The following FAM107B variants were observed in gnomAD, a reference collection of about 807,000 sequenced individuals.
The protein encoded by FAM107B is family with sequence similarity 107 member B.
FAM107B carries 21 observed loss-of-function variants against 31.5 expected under a neutral mutation model. The observed-to-expected ratio is 0.67, with a 90% CI of 0.47 to 0.96. The LOEUF is 0.96. Among genes scored for constraint, FAM107B ranks in the 40% least tolerant of loss-of-function variants. The pLI, the probability that FAM107B is intolerant of heterozygous loss-of-function variation, is 0.00. For missense variants in FAM107B, 452 were observed against 377.1 expected (o/e 1.20, Z -1.64); for synonymous variants, 157 against 141.5 (o/e 1.11, Z -0.78).
chr10:14,542,978 G>A (rs189743511), intron 2 of FAM107B, among the ~76,000 whole-genome samples: 1 of 152,298 alleles, frequency 6.6e-6, no homozygotes, highest in Non-Finnish European at 1.5e-5. Context: ...CTAAGCAATG[G>A]AAATCCTGCC....
At chr10:14,759,355 G>A (rs1048387744) in intron 1 of FAM107B, among the ~76,000 whole-genome samples, 1 of 151,970 alleles carries the variant, frequency 6.6e-6, no homozygotes, top group Non-Finnish European at 1.5e-5. Context: ...TTTCAACACT[G>A]TCTGCTCATA....
chr10:14,585,692 C>T (rs1212570387), intron 2 of FAM107B, among the ~76,000 whole-genome samples: 1 of 152,208 alleles, frequency 6.6e-6, no homozygotes, highest in Non-Finnish European at 1.5e-5. Flanking sequence ...AACAAGTACA[C>T]AAAGAGAGGC....
At chr10:14,670,262 A>G (rs1327573) in intron 1 of FAM107B, among the ~76,000 whole-genome samples, 147,494 of 152,298 alleles carry the variant, frequency 0.97, 71,603 homozygotes, top group East Asian at 1. Flanking sequence ...TAAAACCCAT[A>G]GAATAGTATT....
chr10:14,579,794 G>A (rs921478505), intron 2 of FAM107B, among the ~76,000 whole-genome samples: 1 of 152,068 alleles, frequency 6.6e-6, no homozygotes, highest in African/African-American at 2.4e-5. Context: ...GGAGGCTGAG[G>A]ACAGATCACT....
intron 2 of FAM107B, among the ~76,000 whole-genome samples, chr10:14,568,985 G>C (rs1267784827): frequency 6.6e-6 from 1 of 152,192 alleles, no homozygotes; most frequent in Non-Finnish European, 1.5e-5. Flanking sequence ...TTAACACACT[G>C]AGATTGCTAT....
chr10:14,700,474 C>T (rs1040797656), intron 1 of FAM107B, among the ~76,000 whole-genome samples: 3 of 151,796 alleles, frequency 2.0e-5, no homozygotes, highest in African/African-American at 7.3e-5. Context: ...GTGCTCGCAT[C>T]GAATTTAACG....
intron 2 of FAM107B, among the ~76,000 whole-genome samples, chr10:14,552,440 A>G (rs758268558): frequency 4.0e-5 from 6 of 150,872 alleles, no homozygotes; most frequent in Non-Finnish European, 7.4e-5. Flanking sequence ...ATCTATATAC[A>G]GTGATCCACT....
At chr10:14,723,914 T>G in intron 1 of FAM107B, 1 of 752,406 alleles carries the variant, frequency 1.3e-6, no homozygotes. Context: ...AGATTTATGA[T>G]GTAGATGCCA....
chr10:14,628,802 G>C (rs921422271), intron 2 of FAM107B, among the ~76,000 whole-genome samples: 2 of 152,112 alleles, frequency 1.3e-5, no homozygotes, highest in African/African-American at 4.8e-5. Flanking sequence ...GGAGGTTGAG[G>C]TGGGAGGATC....
chr10:14,659,657 T>C (rs1192194818), intron 2 of FAM107B, among the ~76,000 whole-genome samples: 1 of 152,202 alleles, frequency 6.6e-6, no homozygotes, highest in Non-Finnish European at 1.5e-5. Context: ...GTGACTGAGA[T>C]ATAGTGGGTT....
At chr10:14,641,619 G>C (rs1470077721) in intron 2 of FAM107B, among the ~76,000 whole-genome samples, 3 of 152,196 alleles carry the variant, frequency 2.0e-5, no homozygotes, top group Non-Finnish European at 4.4e-5. Context: ...AAAAGAGAGA[G>C]AGAGGAAGCG....
At chr10:14,582,829 T>C (rs1465005000) in intron 2 of FAM107B, among the ~76,000 whole-genome samples, 1 of 152,156 alleles carries the variant, frequency 6.6e-6, no homozygotes, top group Non-Finnish European at 1.5e-5. Flanking sequence ...CTTACGCCTA[T>C]AATCCCAGCA....
At chr10:14,561,499 A>C (rs1277601838) in intron 2 of FAM107B, among the ~76,000 whole-genome samples, 1 of 152,170 alleles carries the variant, frequency 6.6e-6, no homozygotes. Flanking sequence ...TGGGGTAGGT[A>C]GGGACAGCGA....
chr10:14,725,725 C>T (rs144148346), intron 1 of FAM107B, among the ~76,000 whole-genome samples: 8 of 152,028 alleles, frequency 5.3e-5, no homozygotes, highest in Non-Finnish European at 8.8e-5. Flanking sequence ...CTTATCTAAA[C>T]CTAATTATCT....
intron 2 of FAM107B, among the ~76,000 whole-genome samples, chr10:14,663,239 T>G (rs971830205): frequency 6.6e-6 from 1 of 152,224 alleles, no homozygotes; most frequent in African/African-American, 2.4e-5. Context: ...AGGTCTATTG[T>G]GGGACCTCAC....
intron 1 of FAM107B, among the ~76,000 whole-genome samples, chr10:14,679,406 C>T (rs148401867): frequency 1.1e-3 from 163 of 151,064 alleles, no homozygotes; most frequent in African/African-American, 3.5e-3. Context: ...GCTGGGATTA[C>T]AGGCATGAAC....
intron 1 of FAM107B, among the ~76,000 whole-genome samples, chr10:14,725,609 G>A (rs1856013382): frequency 9.6e-6 from 1 of 104,126 alleles, no homozygotes; most frequent in Non-Finnish European, 1.9e-5. Flanking sequence ...GAAAGAGAAA[G>A]AGAGACAGAC....
chr10:14,654,932 G>A (rs372793933), intron 2 of FAM107B, among the ~76,000 whole-genome samples: 1 of 152,174 alleles, frequency 6.6e-6, no homozygotes, highest in African/African-American at 2.4e-5. Flanking sequence ...ACCAGTCTGT[G>A]GGGTAGTGTC....
At chr10:14,649,206 A>C (rs934104493) in intron 2 of FAM107B, among the ~76,000 whole-genome samples, 1 of 152,262 alleles carries the variant, frequency 6.6e-6, no homozygotes, top group Non-Finnish European at 1.5e-5. Context: ...TAAGACTGAC[A>C]AAACAGACTC....
Sources: gnomAD v4.1 joint callset for allele counts (sites outside exome capture counted in the v4.1 genomes callset) on GRCh38, gnomAD v4.1.1 for gene constraint, MANE v1.5 for transcripts, NCBI Gene and HGNC (gene_info 2026-07-23, HGNC 2026-07-21) for gene names.